The following EXOC6 variants were observed in gnomAD, a reference collection of about 807,000 sequenced individuals.
EXOC6 encodes the protein SEC15-like 1.
Under a neutral mutation model 112.5 loss-of-function variants are expected in EXOC6, and 60 were observed. The ratio of observed to expected loss-of-function variants is 0.53; its 90% CI spans 0.43 to 0.66. The LOEUF is 0.66. EXOC6 is among the 30% of genes least tolerant of loss of function. EXOC6 has a pLI of 0.00. For missense variants in EXOC6, 855 were observed against 957.1 expected, an observed-to-expected ratio of 0.89 and a Z score of 1.41; for synonymous variants, 295 against 308.0, an observed-to-expected ratio of 0.96 and a Z score of 0.44.
Position 92,974,135 on chromosome 10 carries a change from A to C in EXOC6, c.1856A>C (p.Asp619Ala). 6.2e-7 allele frequency: 1 copy of C among 1,603,802 alleles called. No homozygotes were observed. Among genetic ancestry groups the C allele is most frequent in the Non-Finnish European group, 8.5e-7 (1 of 1,177,648 alleles). Reference sequence around the variant, plus strand: ...GAATTTGTTCAGCTTGCTGATTATGACTGGACAATGTCTGAGCCAGATGGA... The same window carrying C: ...GAATTTGTTCAGCTTGCTGATTATGCCTGGACAATGTCTGAGCCAGATGGA... The part of the protein sequence containing the change: ...IDEFVQLADY[D>A]WTMSEPDGRA... Residue 619 changes from aspartate to alanine, a missense_variant, in exon 18 of 22, where the codon GAC becomes GCC. Asp to Ala is a moderately radical substitution (Grantham distance 126, BLOSUM62 -2). This residue lies in a region of EXOC6 where 450 missense variants were observed against 563.5 expected (regional missense o/e 0.80). Coordinates refer to ENST00000260762, the MANE Select transcript of EXOC6 (RefSeq NM_019053.6).
intron 4 of EXOC6, among the ~76,000 whole-genome samples, chr10:92,896,175 ATATATATTTTTTTTTTTTTTTT>A (rs1564810049): frequency 0.014 from 285 of 20,508 alleles, 32 homozygotes; most frequent in African/African-American, 0.053. Context: ...ATATATATAT[ATATATATTTTTTTTTTTTTTTT>A]TTTTTTTTTT....
At chr10:92,900,512 G>T (rs1440741387) in intron 5 of EXOC6, 1 of 152,016 alleles carries the variant, frequency 6.6e-6, no homozygotes, top group East Asian at 1.9e-4. Flanking sequence ...TTAGTAGAAT[G>T]ATTTTTTCCC....
intron 1 of EXOC6, among the ~76,000 whole-genome samples, chr10:92,888,824 T>C (rs1284951707): frequency 1.3e-5 from 2 of 152,198 alleles, no homozygotes; most frequent in Non-Finnish European, 2.9e-5. Context: ...TCCTTAGAAA[T>C]AATGTTATTT....
intron 20 of EXOC6, 105 bp downstream of exon 20, chr10:93,014,372 A>G: frequency 1.2e-6 from 1 of 841,730 alleles, no homozygotes. Context: ...GCCTTGAAAC[A>G]ACCTATCTTA....
intron 8 of EXOC6, among the ~76,000 whole-genome samples, chr10:92,922,583 A>T (rs1851507575): frequency 6.6e-6 from 1 of 152,164 alleles, no homozygotes; most frequent in Admixed American, 6.5e-5. Context: ...ATCCTACTCT[A>T]TTTGATCAAA....
chr10:92,874,615 A>G (rs1848606738), intron 1 of EXOC6, among the ~76,000 whole-genome samples: 1 of 152,132 alleles, frequency 6.6e-6, no homozygotes, highest in Admixed American at 6.5e-5. Flanking sequence ...TTTGTCCAGG[A>G]TTTAAAAAAA....
intron 18 of EXOC6, among the ~76,000 whole-genome samples, chr10:92,985,098 A>C (rs1366581810): frequency 6.6e-6 from 1 of 152,010 alleles, no homozygotes; most frequent in African/African-American, 2.4e-5. Flanking sequence ...CTTTTGCCCC[A>C]TCCCCCTCTG....
At chr10:92,931,814 A>G (rs1385329284) in intron 9 of EXOC6, among the ~76,000 whole-genome samples, 1 of 152,080 alleles carries the variant, frequency 6.6e-6, no homozygotes. Flanking sequence ...ATGTGAATCA[A>G]GTGGAACTCT....
In EXOC6 at chr10:92,883,588, G is replaced by T. The variant is rs957883116; in HGVS notation, c.102-9761G>T. 3.3e-5 allele frequency among the ~76,000 whole-genome samples: 5 copies of T among 152,108 alleles called. No homozygotes were observed. The East Asian group carries it at 9.7e-4, about 29-fold the overall frequency. On this transcript the variant is annotated intron_variant, in intron 1 of 21. Transcript: ENST00000260762. ...ACCAAAGTTTAATTACTAATAATGA[G>T]AAATATAAAATTAAGATTTATATGC...
At chr10:92,839,004 C>T (rs1589672494) in intron 1 of EXOC6, among the ~76,000 whole-genome samples, 2 of 151,766 alleles carry the variant, frequency 1.3e-5, no homozygotes, top group Non-Finnish European at 2.9e-5. Context: ...ACCTGGGAGG[C>T]GGAGGTTGCT....
chr10:92,959,757 A>G (rs1235997967), intron 17 of EXOC6, among the ~76,000 whole-genome samples: 1 of 152,230 alleles, frequency 6.6e-6, no homozygotes, highest in Non-Finnish European at 1.5e-5. Flanking sequence ...GCATATGAAA[A>G]GATGTTCCAT....
Position 93,057,134 on chromosome 10 carries a change from T to C in EXOC6, c.2282+98T>C, listed in dbSNP as rs138118482. The stretch of plus-strand genomic sequence containing the variant: ...AGATTTCTGTCAAAAAAGAAAAGTC[T>C]AGATGGAGCTTAAAAGCTCACTCTA... On this transcript the variant is annotated intron_variant, in intron 21 of 21. Transcript: ENST00000260762. The C allele has an allele frequency of 2.2e-5, 14 of 632,290 alleles. No individual in the cohort carries two copies. The East Asian group carries it at 3.4e-4, about 15-fold the overall frequency. The allele number at this position is 632,290 out of a possible 1,614,324, so 39.2% of individuals were successfully genotyped here. A position where few individuals can be genotyped will look rare whatever the true frequency, so the allele number is the denominator to read the frequency against.
At chr10:93,031,510 CTTTTTTTTTT>C (rs778524287) in intron 20 of EXOC6, among the ~76,000 whole-genome samples, 47 of 130,456 alleles carry the variant, frequency 3.6e-4, no homozygotes, top group African/African-American at 1.3e-3. Context: ...TTCTTTCTTT[CTTTTTTTTTT>C]TTTTTTTTTT....
chr10:92,934,236 T>A, intron 10 of EXOC6, 46 bp downstream of exon 10: 1 of 1,532,352 alleles, frequency 6.5e-7, no homozygotes, highest in Non-Finnish European at 8.8e-7. Flanking sequence ...TTATATTATG[T>A]TAAATGCCAG....
At chr10:92,981,524 A>G (rs1405728326) in intron 18 of EXOC6, among the ~76,000 whole-genome samples, 1 of 152,242 alleles carries the variant, frequency 6.6e-6, no homozygotes, top group Non-Finnish European at 1.5e-5. Flanking sequence ...AAATATTTAT[A>G]CTAACACATG....
chr10:93,019,809 C>T (rs1215739075), intron 20 of EXOC6, among the ~76,000 whole-genome samples: 1 of 152,166 alleles, frequency 6.6e-6, no homozygotes, highest in Non-Finnish European at 1.5e-5. Flanking sequence ...GTGAAAATTT[C>T]ACCCAGTTCA....
intron 18 of EXOC6, among the ~76,000 whole-genome samples, chr10:92,994,049 G>C (rs1211149419): frequency 2.0e-5 from 3 of 152,176 alleles, no homozygotes; most frequent in Non-Finnish European, 4.4e-5. Context: ...TTGTGTTACT[G>C]GTCTCAGTCT....
intron 1 of EXOC6, among the ~76,000 whole-genome samples, chr10:92,851,914 A>G (rs1263833902): frequency 1.3e-5 from 2 of 152,028 alleles, no homozygotes. Flanking sequence ...CTACAAATAC[A>G]AAAATTAGCT....
rs1352121444 is a variant in EXOC6, at chr10:92,954,703, C to A, written c.1600C>A (p.Leu534Met). 1 of 1,604,768 alleles carries A rather than the reference C, an allele frequency of 6.2e-7. No homozygotes were observed. The highest frequency in any genetic ancestry group is 1.7e-5 in the Admixed American group (1 of 59,518). The part of the protein sequence containing the change: ...LLTRTLSSCL[L>M]NLIRKPHIGL... ...GACCAGAACTTTGAGTAGCTGTTTA[C>A]TGAACCTTATTAGAAAACCTCATAT... is the stretch of plus-strand genomic sequence containing the variant. Residue 534 changes from leucine (L) to methionine (M), a missense_variant, in exon 16 of 22, where the codon CTG (leucine) becomes ATG (methionine). Physicochemically the swap from Leu to Met is conservative, Grantham distance 15. Coordinates refer to ENST00000260762, the MANE Select transcript of EXOC6 (RefSeq NM_019053.6).
Sources: allele counts gnomAD v4.1 joint callset (sites outside exome capture counted in the v4.1 genomes callset), GRCh38; gene constraint gnomAD v4.1.1; regional missense constraint gnomAD v4.1.1; transcripts MANE v1.5; gene names NCBI Gene and HGNC (gene_info 2026-07-23, HGNC 2026-07-21).